SLC35B4: variants seen among roughly 807,000 people sequenced by gnomAD.
The protein encoded by SLC35B4 is nucleotide sugar transporter SLC35B4.
In SLC35B4, 28 loss-of-function variants were observed where a neutral mutation model predicts 39.5. That is an observed-to-expected ratio of 0.71 (90% confidence interval 0.53 to 0.97). SLC35B4 has a LOEUF of 0.97. Ranked by LOEUF, SLC35B4 falls within the 50% of genes least tolerant of loss-of-function variation. The probability of loss-of-function intolerance (pLI) is 0.00; values close to 1 mark genes in which losing one functional copy is unlikely to be tolerated. For synonymous variants in SLC35B4, 145 were observed against 150.4 expected, an observed-to-expected ratio of 0.96 and a Z score of 0.26; for missense variants, 334 against 414.3, an observed-to-expected ratio of 0.81 and a Z score of 1.68.
chr7:134,318,466 T>TAC (rs560147523), upstream of SLC35B4, among the ~76,000 whole-genome samples: 8 of 114,956 alleles, frequency 7.0e-5, no homozygotes, highest in East Asian at 6.5e-4. Flanking sequence ...TACACATATA[T>TAC]ACACACACAC....
chr7:134,295,547 C>T (rs1803444363), intron 9 of SLC35B4, among the ~76,000 whole-genome samples: 2 of 151,930 alleles, frequency 1.3e-5, no homozygotes, highest in South Asian at 2.1e-4. Flanking sequence ...TAAGGTCATT[C>T]GAAATAACCA....
chr7:134,318,995 T>G (rs1419382084), upstream of SLC35B4, among the ~76,000 whole-genome samples: 2 of 152,196 alleles, frequency 1.3e-5, no homozygotes, highest in African/African-American at 4.8e-5. Context: ...GTGATGCTGG[T>G]GCTACTGACC....
At position 134,291,358 on chromosome 7, in the gene SLC35B4, C is replaced by T. The variant is rs1213453607; in HGVS notation, c.*3475G>A. 1 of 152,008 alleles carries T rather than the reference C, an allele frequency of 6.6e-6. No individual in the cohort carries two copies. Among genetic ancestry groups the T allele is most frequent in the Non-Finnish European group, 1.5e-5 (1 of 68,002 alleles). 9.4% of individuals were successfully genotyped at this position (152,008 alleles called of 1,614,324 possible). Reference sequence around the variant, plus strand: ...CAGATATAAATACTCTGTAAAAATCCACAAAAACATCCAGGGGCCCCAAAG... The same window carrying T: ...CAGATATAAATACTCTGTAAAAATCTACAAAAACATCCAGGGGCCCCAAAG... On this transcript the variant is annotated 3_prime_UTR_variant, in exon 10 of 10. Coordinates refer to ENST00000378509, the MANE Select transcript of SLC35B4 (RefSeq NM_032826.5).
At chr7:134,304,917 G>A (rs1397623664) in intron 3 of SLC35B4, 63 bp from the exon 4 acceptor site, 10 of 1,250,394 alleles carry the variant, frequency 8.0e-6, no homozygotes, top group South Asian at 3.7e-5. Context: ...AACGTAATTC[G>A]AGAGAATAGG....
intron 9 of SLC35B4, among the ~76,000 whole-genome samples, chr7:134,295,630 A>C (rs546611101): frequency 1.1e-4 from 16 of 152,132 alleles, no homozygotes; most frequent in African/African-American, 3.9e-4. Flanking sequence ...TCTGTTACTC[A>C]AGCTAGAGTG....
chr7:134,303,000 G>GATC (rs1803622585), intron 4 of SLC35B4, among the ~76,000 whole-genome samples: 2 of 152,248 alleles, frequency 1.3e-5, no homozygotes, highest in South Asian at 4.1e-4. Context: ...TCACGCTGAA[G>GATC]AGGTTTACAA....
intron 1 of SLC35B4, among the ~76,000 whole-genome samples, chr7:134,311,388 G>T (rs1016424903): frequency 2.0e-5 from 3 of 152,180 alleles, no homozygotes; most frequent in African/African-American, 7.2e-5. Flanking sequence ...ACGGTGGCTG[G>T]CTCACACCTA....
At chr7:134,307,132 T>G (rs1347755989) in intron 2 of SLC35B4, among the ~76,000 whole-genome samples, 1 of 152,220 alleles carries the variant, frequency 6.6e-6, no homozygotes, top group African/African-American at 2.4e-5. Context: ...CACTTGTTTG[T>G]ACTGTTAATT....
chr7:134,310,780 C>T (rs1196268116), intron 1 of SLC35B4, among the ~76,000 whole-genome samples: 2 of 152,096 alleles, frequency 1.3e-5, no homozygotes, highest in African/African-American at 4.8e-5. Context: ...ACCTCCTGAC[C>T]TTGCGATCCA....
At chr7:134,301,607 C>T (rs532733103) in intron 6 of SLC35B4, among the ~76,000 whole-genome samples, 154 bp downstream of exon 6, 2 of 152,260 alleles carry the variant, frequency 1.3e-5, no homozygotes, top group East Asian at 3.9e-4. Context: ...ATTTCTTGAA[C>T]GCTAAGGCTC....
In SLC35B4 at chr7:134,294,958, G is replaced by GGT; in HGVS notation, c.869_870dup (p.Pro291ThrfsTer19). The GGT allele has an allele frequency of 6.2e-7, 1 of 1,614,156 alleles. No homozygotes were observed. The highest frequency in any genetic ancestry group is 8.5e-7 in the Non-Finnish European group (1 of 1,180,040). On this transcript the variant is annotated frameshift_variant, in exon 10 of 10. Transcript: ENST00000378509. LOFTEE classifies it high-confidence loss of function. ...CCCAGCCAGTGCCACAGGGTGAAGG[G>GGT]GTTCTGGAAGTACAAGATGGAAAAG... is the stretch of plus-strand genomic sequence containing the variant.
chr7:134,319,705 T>G (rs1373233392), upstream of SLC35B4, among the ~76,000 whole-genome samples: 1 of 152,218 alleles, frequency 6.6e-6, no homozygotes, highest in Non-Finnish European at 1.5e-5. Flanking sequence ...CCCTCACCAT[T>G]AGGGCATACA....
chr7:134,302,132 A>G (rs1456051776), intron 4 of SLC35B4, 22 bp from the exon 5 acceptor site: 6 of 1,583,162 alleles, frequency 3.8e-6, no homozygotes, highest in Non-Finnish European at 5.2e-6. Context: ...AAAAAAAAGA[A>G]GAAAAACACC....
intron 4 of SLC35B4, 60 bp from the exon 5 acceptor site, chr7:134,302,170 A>G: frequency 7.1e-7 from 1 of 1,401,042 alleles, no homozygotes; most frequent in Admixed American, 1.9e-5. Context: ...TGAATTTCCC[A>G]GTGATATTTA....
chr7:134,299,644 T>A lies in SLC35B4; in HGVS notation c.598-46A>T, dbSNP rs542476696. ...GATAAATGTAAGTGCAAAAACATTA[T>A]AGAATAATTAGAGTAGCTTTACAAT... On this transcript the variant is annotated intron_variant, in intron 7 of 9. Coordinates refer to ENST00000378509, the MANE Select transcript of SLC35B4 (RefSeq NM_032826.5). The A allele has an allele frequency of 6.9e-6, 10 of 1,454,264 alleles. No individual in the cohort carries two copies. In the Middle Eastern group the frequency reaches 5.2e-4, roughly 76 times the overall value. 90.1% of individuals were successfully genotyped at this position (1,454,264 alleles called of 1,614,324 possible).
Position 134,291,979 on chromosome 7 carries a change from A to AT in SLC35B4, c.*2853dup, listed in dbSNP as rs1480220793. 6.6e-6 allele frequency: 1 copy of AT among 152,528 alleles called. No individual in the cohort carries two copies. Among genetic ancestry groups the AT allele is most frequent in the Non-Finnish European group, 1.5e-5 (1 of 68,206 alleles). 9.4% of individuals were successfully genotyped at this position (152,528 alleles called of 1,614,324 possible). ...ACACAGGTGCACACACACACACTGT[A>AT]TTTTCTGGCTAGTGTCCTTTGCTAT... On this transcript the variant is annotated 3_prime_UTR_variant, in exon 10 of 10. Transcript: ENST00000378509.
chr7:134,314,162 A>C (rs372332236), intron 1 of SLC35B4, among the ~76,000 whole-genome samples: 40 of 152,324 alleles, frequency 2.6e-4, no homozygotes, highest in East Asian at 1.9e-3. Flanking sequence ...AAATATATAA[A>C]AAAGAAATAT....
At position 134,291,655 on chromosome 7, in the gene SLC35B4, C is replaced by A. The variant is rs148289669; in HGVS notation, c.*3178G>T. 3 of 152,052 alleles carry A rather than the reference C, an allele frequency of 2.0e-5. No homozygotes were observed. Among genetic ancestry groups the A allele is most frequent in the Non-Finnish European group, 2.9e-5 (2 of 68,024 alleles). The allele number at this position is 152,052 out of a possible 1,614,324, so 9.4% of individuals were successfully genotyped here. ...CACTGACCAAATCAAAATACTGCAG[C>A]GTTTCACTGTGGTTAACAGGATGGA... On this transcript the variant is annotated 3_prime_UTR_variant, in exon 10 of 10. Coordinates refer to ENST00000378509, the MANE Select transcript of SLC35B4 (RefSeq NM_032826.5).
intron 8 of SLC35B4, among the ~76,000 whole-genome samples, chr7:134,298,484 T>C (rs1242516815): frequency 6.6e-6 from 1 of 152,242 alleles, no homozygotes; most frequent in African/African-American, 2.4e-5. Flanking sequence ...CATTTTATCA[T>C]AAATACCTAG....
Sources: gnomAD v4.1 joint callset for allele counts (sites outside exome capture counted in the v4.1 genomes callset) on GRCh38, gnomAD v4.1.1 for gene constraint, MANE v1.5 for transcripts, NCBI Gene and HGNC (gene_info 2026-07-23, HGNC 2026-07-21) for gene names.